The following MARCHF1 variants were observed in gnomAD, a reference collection of about 807,000 sequenced individuals.
The protein encoded by MARCHF1 is E3 ubiquitin-protein ligase MARCHF1.
In MARCHF1, 40 loss-of-function variants were observed where a neutral mutation model predicts 54.2. The ratio of observed to expected loss-of-function variants is 0.74; its 90% CI spans 0.57 to 0.96. The LOEUF is 0.96. Ranked by LOEUF, MARCHF1 falls within the 40% of genes least tolerant of loss-of-function variation. The pLI, the probability that MARCHF1 is intolerant of heterozygous loss-of-function variation, is 0.00. For synonymous variants in MARCHF1, 236 were observed against 236.3 expected, an observed-to-expected ratio of 1.00 and a Z score of 0.01; for missense variants, 586 against 656.5, an observed-to-expected ratio of 0.89 and a Z score of 1.17.
chr4:164,021,112 C>A (rs1392014495), intron 2 of MARCHF1, among the ~76,000 whole-genome samples: 2 of 143,846 alleles, frequency 1.4e-5, no homozygotes, highest in African/African-American at 5.3e-5. Context: ...GTAGTGAACA[C>A]TGAGAGGCTG....
intron 4 of MARCHF1, among the ~76,000 whole-genome samples, chr4:163,728,817 A>G (rs1043876347): frequency 1.3e-5 from 2 of 152,216 alleles, no homozygotes; most frequent in African/African-American, 4.8e-5. Context: ...TGCATTAGCT[A>G]GGGCTTTCAG....
At chr4:163,582,567 C>A (rs6841607) in intron 8 of MARCHF1, among the ~76,000 whole-genome samples, 2,851 of 152,282 alleles carry the variant, frequency 0.019, 80 homozygotes, top group African/African-American at 0.063. Flanking sequence ...ATCATTTCAT[C>A]TAAACAGAAT....
At chr4:164,160,032 A>G (rs1412040776) in intron 1 of MARCHF1, among the ~76,000 whole-genome samples, 1 of 148,908 alleles carries the variant, frequency 6.7e-6, no homozygotes, top group African/African-American at 2.6e-5. Flanking sequence ...AAAATATTGT[A>G]CTTCAGACAG....
intron 5 of MARCHF1, among the ~76,000 whole-genome samples, chr4:163,697,251 G>T (rs1442812517): frequency 6.6e-6 from 1 of 152,170 alleles, no homozygotes; most frequent in Non-Finnish European, 1.5e-5. Context: ...CCACAAGGAA[G>T]GCATGTGCTT....
chr4:163,789,970 T>G (rs988181621), intron 4 of MARCHF1, among the ~76,000 whole-genome samples: 1 of 152,106 alleles, frequency 6.6e-6, no homozygotes, highest in Non-Finnish European at 1.5e-5. Flanking sequence ...AACATTAAAG[T>G]GTTCTCAGAG....
intron 8 of MARCHF1, among the ~76,000 whole-genome samples, chr4:163,552,104 G>A (rs964654335): frequency 1.3e-5 from 2 of 152,064 alleles, no homozygotes; most frequent in Admixed American, 6.6e-5. Context: ...TTCCACGTTA[G>A]GTCCACCAGT....
chr4:164,181,333 T>C (rs1434867064), intron 1 of MARCHF1, among the ~76,000 whole-genome samples: 3 of 152,188 alleles, frequency 2.0e-5, no homozygotes, highest in Non-Finnish European at 2.9e-5. Flanking sequence ...TTGTATCATA[T>C]ACACAAGACA....
intron 4 of MARCHF1, among the ~76,000 whole-genome samples, chr4:163,751,827 T>TGTGTGTGTGTGA (rs1554010515): frequency 6.6e-6 from 1 of 151,330 alleles, no homozygotes; most frequent in Non-Finnish European, 1.5e-5. Flanking sequence ...TGTGTGTGTG[T>TGTGTGTGTGTGA]GATGAGGAAA....
chr4:164,283,467 T>C (rs1734073828), intron 1 of MARCHF1, among the ~76,000 whole-genome samples: 1 of 150,548 alleles, frequency 6.6e-6, no homozygotes, highest in Admixed American at 6.8e-5. Flanking sequence ...CTGGAAAAAC[T>C]GAAAAAAAGA....
At chr4:163,635,326 A>G (rs1199073904) in intron 5 of MARCHF1, among the ~76,000 whole-genome samples, 1 of 150,154 alleles carries the variant, frequency 6.7e-6, no homozygotes, top group Non-Finnish European at 1.5e-5. Flanking sequence ...TTTTGAAAGG[A>G]TCAACAAAAT....
chr4:163,736,648 A>G (rs1421848967), intron 4 of MARCHF1, among the ~76,000 whole-genome samples: 8 of 152,096 alleles, frequency 5.3e-5, no homozygotes, highest in Admixed American at 4.6e-4. Context: ...GTAGAATATT[A>G]TGATGCCTAA....
At chr4:163,663,280 G>A (rs1266882483) in intron 5 of MARCHF1, among the ~76,000 whole-genome samples, 1 of 143,760 alleles carries the variant, frequency 7.0e-6, no homozygotes, top group Non-Finnish European at 1.5e-5. Flanking sequence ...CAGGCCCATT[G>A]CTTTATCTTC....
At chr4:163,875,321 A>G (rs1426646779) in intron 3 of MARCHF1, among the ~76,000 whole-genome samples, 1 of 152,192 alleles carries the variant, frequency 6.6e-6, no homozygotes, top group African/African-American at 2.4e-5. Flanking sequence ...TGATTTTTAA[A>G]AACTCTTTAA....
intron 2 of MARCHF1, among the ~76,000 whole-genome samples, chr4:164,007,398 A>C (rs552818679): frequency 2.0e-5 from 3 of 151,344 alleles, no homozygotes; most frequent in African/African-American, 7.3e-5. Flanking sequence ...AAACTTTTCA[A>C]GGTATAAAAT....
At chr4:164,298,833 A>C (rs868656398) in intron 1 of MARCHF1, among the ~76,000 whole-genome samples, 1 of 152,118 alleles carries the variant, frequency 6.6e-6, no homozygotes, top group Non-Finnish European at 1.5e-5. Flanking sequence ...AGGTTGATGC[A>C]AAGTGAGGTA....
intron 4 of MARCHF1, among the ~76,000 whole-genome samples, chr4:163,836,298 T>G (rs1259781561): frequency 1.3e-5 from 2 of 151,072 alleles, no homozygotes; most frequent in South Asian, 2.1e-4. Context: ...CAGGCTGGAG[T>G]GCAGTGGCAC....
chr4:164,381,171 C>G (rs141683767), intron 1 of MARCHF1, among the ~76,000 whole-genome samples: 161 of 152,264 alleles, frequency 1.1e-3, no homozygotes, highest in South Asian at 1.0e-2. Flanking sequence ...TTTATTTTTG[C>G]CCTATAATGC....
chr4:163,638,272 A>T (rs6849338), intron 5 of MARCHF1, among the ~76,000 whole-genome samples: 8,411 of 151,790 alleles, frequency 0.055, 778 homozygotes, highest in African/African-American at 0.19. Context: ...AAAAAAAGAA[A>T]TGTAATCCCA....
At chr4:164,160,702 G>C (rs1388394439) in intron 1 of MARCHF1, among the ~76,000 whole-genome samples, 6 of 152,166 alleles carry the variant, frequency 3.9e-5, no homozygotes, top group African/African-American at 1.2e-4. Context: ...CTGACAGTGA[G>C]TGCTTTCTCT....
Sources: allele counts gnomAD v4.1 joint callset (sites outside exome capture counted in the v4.1 genomes callset), GRCh38; gene constraint gnomAD v4.1.1; transcripts MANE v1.5; gene names NCBI Gene and HGNC (gene_info 2026-07-23, HGNC 2026-07-21).